The following DOC2B variants were observed in gnomAD, a reference collection of about 807,000 sequenced individuals.
The protein encoded by DOC2B is double C2-like domain-containing protein beta.
A neutral mutation model predicts 28.9 loss-of-function variants in DOC2B; 21 were observed. The ratio of observed to expected loss-of-function variants is 0.73; its 90% CI spans 0.52 to 1.05. DOC2B has a LOEUF of 1.05. DOC2B is among the 50% of genes least tolerant of loss of function. DOC2B has a pLI of 0.00. For missense variants in DOC2B, 384 were observed against 421.1 expected, an observed-to-expected ratio of 0.91 and a Z score of 0.77; for synonymous variants, 194 against 178.1, an observed-to-expected ratio of 1.09 and a Z score of -0.71.
intron 4 of DOC2B, 142 bp from the exon 5 acceptor site, chr17:161,683 G>A: frequency 7.1e-7 from 1 of 1,404,024 alleles, no homozygotes; most frequent in Non-Finnish European, 9.6e-7. Context: ...CAAGATGCCT[G>A]GGCCCTGACA....
rs144104086 is a variant in DOC2B at position 153,353 on chromosome 17, G to A, written c.923+2867C>T. 8.6e-3 allele frequency among the ~76,000 whole-genome samples: 1,314 copies of A among 152,310 alleles called. 9 individuals carry two copies. Among genetic ancestry groups the A allele is most frequent in the African/African-American group, 0.026 (1,074 of 41,568 alleles). On this transcript the variant is annotated intron_variant, in intron 6 of 8. Transcript: ENST00000613549. ...ACTCTGCTTTCTGGGCAACCCAGCA[G>A]GTGACCCTGGAATTCCTGTCCATCT...
intron 5 of DOC2B, among the ~76,000 whole-genome samples, chr17:157,300 C>G (rs2040147209): frequency 6.6e-6 from 1 of 152,202 alleles, no homozygotes; most frequent in Non-Finnish European, 1.5e-5. Context: ...TTGATAAATT[C>G]CTGGTCCTTC....
At chr17:151,554 AT>A (rs1328239340) in intron 6 of DOC2B, among the ~76,000 whole-genome samples, 1 of 152,128 alleles carries the variant, frequency 6.6e-6, no homozygotes, top group Non-Finnish European at 1.5e-5. Context: ...AATAAACCTG[AT>A]TTTAAAAAAG....
chr17:147,412 G>T lies in DOC2B; in HGVS notation c.*29C>A. 1 of 398,950 alleles carries T rather than the reference G, an allele frequency of 2.5e-6. No individual in the cohort carries two copies. The highest frequency in any genetic ancestry group is 4.4e-6 in the Non-Finnish European group (1 of 226,280). 24.7% of individuals were successfully genotyped at this position (398,950 alleles called of 1,614,324 possible). A position where few individuals can be genotyped will look rare whatever the true frequency, so the allele number is the denominator to read the frequency against. ...GGGCCGGCCGTGCTGGGCGCAGGTG[G>T]CGGCAGGGGTAGCAGTGGCGGGTGG... On this transcript the variant is annotated 3_prime_UTR_variant, in exon 9 of 9. Coordinates refer to ENST00000613549, the MANE Select transcript of DOC2B (RefSeq NM_003585.5).
At chr17:152,746 C>T (rs143215731) in intron 6 of DOC2B, among the ~76,000 whole-genome samples, 200 of 151,924 alleles carry the variant, frequency 1.3e-3, no homozygotes, top group Non-Finnish European at 2.3e-3. Context: ...CATTCCAGCC[C>T]GGTGACAGAG....
chr17:161,567 C>T (rs1007626943), intron 4 of DOC2B, 26 bp from the exon 5 acceptor site: 10 of 1,551,390 alleles, frequency 6.4e-6, no homozygotes, highest in Non-Finnish European at 8.7e-6. Context: ...GTGAGGGGCA[C>T]AGCCAGTGCC....
At chr17:162,912 C>T (rs1488043834) in intron 3 of DOC2B, among the ~76,000 whole-genome samples, 4 of 152,150 alleles carry the variant, frequency 2.6e-5, no homozygotes, top group Admixed American at 1.3e-4. Context: ...AATATTGCTG[C>T]CACTCCCTCC....
Position 180,540 on chromosome 17 carries a change from G to A in DOC2B, c.373+567C>T, listed in dbSNP as rs551329017. Among the ~76,000 whole-genome samples the A allele has an allele frequency of 1.4e-3, 220 of 152,230 alleles. 1 individual carries two copies. The highest frequency in any genetic ancestry group is 4.9e-3 in the African/African-American group (203 of 41,554). ...TTTTCCAAAGGACAAGCGGCCCCGCGGTCCTCCTGGTCCTCTGCTCGCGCG... is the reference window on the plus strand; with the variant it reads ...TTTTCCAAAGGACAAGCGGCCCCGCAGTCCTCCTGGTCCTCTGCTCGCGCG... On this transcript the variant is annotated intron_variant, in intron 1 of 8. Coordinates refer to ENST00000613549, the MANE Select transcript of DOC2B (RefSeq NM_003585.5).
intron 2 of DOC2B, among the ~76,000 whole-genome samples, chr17:165,805 C>T (rs2040256747): frequency 6.6e-6 from 1 of 152,238 alleles, no homozygotes; most frequent in Admixed American, 6.5e-5. Context: ...GCCTGAAGTG[C>T]AGAGTTCTGG....
intron 5 of DOC2B, among the ~76,000 whole-genome samples, chr17:156,703 G>C (rs1164886812): frequency 3.9e-5 from 6 of 152,216 alleles, no homozygotes; most frequent in African/African-American, 1.4e-4. Flanking sequence ...CTCTGTGTGG[G>C]ATGTGAGCTA....
chr17:154,150 T>C (rs563997488), intron 6 of DOC2B, among the ~76,000 whole-genome samples: 21 of 150,780 alleles, frequency 1.4e-4, no homozygotes, highest in Admixed American at 3.9e-4. Flanking sequence ...TCCACGCACC[T>C]GCTACACTCC....
chr17:162,241 A>G, intron 3 of DOC2B, 51 bp from the exon 4 acceptor site: 1 of 1,379,320 alleles, frequency 7.2e-7, no homozygotes, highest in South Asian at 1.2e-5. Context: ...TATCAAACAG[A>G]ACAATGGCCC....
intron 5 of DOC2B, among the ~76,000 whole-genome samples, chr17:156,967 T>C (rs1052503316): frequency 6.6e-6 from 1 of 152,206 alleles, no homozygotes; most frequent in Non-Finnish European, 1.5e-5. Flanking sequence ...ACACTTCAGC[T>C]TCCATTAACA....
In DOC2B at chr17:162,120, TAGTA is replaced by T. The variant is rs1567532971; in HGVS notation, c.595_598del (p.Tyr199ThrfsTer8). ...GATCATGTCTTCATCTGTGATCCCG[TAGTA>T]AGTGAGGGTCTCGTTCCATGTGGGG... On this transcript the variant is annotated frameshift_variant, in exon 4 of 9. Coordinates refer to ENST00000613549, the MANE Select transcript of DOC2B (RefSeq NM_003585.5). LOFTEE classifies it high-confidence loss of function. 3.2e-6 allele frequency: 5 copies of T among 1,551,796 alleles called. No homozygotes were observed. The highest frequency in any genetic ancestry group is 4.9e-5 in the East Asian group (2 of 40,910).
intron 7 of DOC2B, among the ~76,000 whole-genome samples, 164 bp from the exon 8 acceptor site, chr17:148,433 C>T (rs1460252147): frequency 6.6e-6 from 1 of 152,080 alleles, no homozygotes; most frequent in South Asian, 2.1e-4. Flanking sequence ...CCCCTGAGCT[C>T]CACTGGGGTC....
chr17:179,613 C>T (rs933552886), intron 1 of DOC2B, among the ~76,000 whole-genome samples: 1 of 152,196 alleles, frequency 6.6e-6, no homozygotes, highest in Non-Finnish European at 1.5e-5. Flanking sequence ...ACTCAGGGCC[C>T]ACCCAGGGGA....
intron 2 of DOC2B, among the ~76,000 whole-genome samples, chr17:169,888 T>C (rs7342846): frequency 0.013 from 1,992 of 151,814 alleles, 49 homozygotes; most frequent in African/African-American, 0.045. Context: ...CCACCCCCAC[T>C]TCTGATACCT....
intron 2 of DOC2B, among the ~76,000 whole-genome samples, chr17:166,138 T>G (rs1415100361): frequency 2.0e-5 from 3 of 152,172 alleles, no homozygotes; most frequent in African/African-American, 7.2e-5. Flanking sequence ...TCTCTACTCC[T>G]CCACCCGGCA....
intron 6 of DOC2B, among the ~76,000 whole-genome samples, chr17:151,655 G>A (rs1555521832): frequency 2.0e-5 from 3 of 152,176 alleles, no homozygotes; most frequent in Admixed American, 2.0e-4. Context: ...CTAGGTATTG[G>A]TATATTGTGT....
Sources: gnomAD v4.1 joint callset for allele counts (sites outside exome capture counted in the v4.1 genomes callset) on GRCh38, gnomAD v4.1.1 for gene constraint, MANE v1.5 for transcripts, NCBI Gene and HGNC (gene_info 2026-07-23, HGNC 2026-07-21) for gene names.